Variants in CPAMD8 observed in about 807,000 individuals in gnomAD.
CPAMD8 encodes the protein C3 and PZP like alpha-2-macroglobulin domain containing 8.
Under a neutral mutation model 224.7 loss-of-function variants are expected in CPAMD8, and 146 were observed. That is an observed-to-expected ratio of 0.65 (90% CI 0.57 to 0.75). CPAMD8 has a LOEUF of 0.75. Ranked by LOEUF, CPAMD8 falls within the 30% of genes least tolerant of loss-of-function variation. The probability of loss-of-function intolerance (pLI) is 0.00; values close to 1 mark genes in which losing one functional copy is unlikely to be tolerated. For synonymous variants in CPAMD8, 966 were observed against 1,044.6 expected (o/e 0.92, Z 1.45); for missense variants, 2,301 against 2,537.5 (o/e 0.91, Z 2.00).
At chr19:16,914,204 C>T (rs867512653) in intron 29 of CPAMD8, among the ~76,000 whole-genome samples, 4 of 152,086 alleles carry the variant, frequency 2.6e-5, no homozygotes, top group African/African-American at 9.7e-5. Flanking sequence ...AACATGTGCC[C>T]AATTTCCCCC....
At chr19:17,013,928 C>G (rs2056735831) in intron 3 of CPAMD8, among the ~76,000 whole-genome samples, 2 of 150,486 alleles carry the variant, frequency 1.3e-5, no homozygotes, top group African/African-American at 4.9e-5. Context: ...CCCTCCCTCC[C>G]TCTCTCCCTC....
intron 13 of CPAMD8, among the ~76,000 whole-genome samples, chr19:16,981,868 G>T (rs2055526996): frequency 6.6e-6 from 1 of 152,180 alleles, no homozygotes; most frequent in African/African-American, 2.4e-5. Flanking sequence ...GTAAAATAAG[G>T]CTGTTATCTC....
At chr19:16,894,395 C>T in intron 41 of CPAMD8, 1 of 456,674 alleles carries the variant, frequency 2.2e-6, no homozygotes. Flanking sequence ...TGGTGTCGTC[C>T]TGCTCTCAGC....
chr19:16,896,312 C>G lies in CPAMD8; in HGVS notation c.5290G>C (p.Ala1764Pro), dbSNP rs565572619. 26 of 1,607,396 alleles carry G rather than the reference C, an allele frequency of 1.6e-5. 1 individual carries two copies. The South Asian group carries it at 2.6e-4, about 16-fold the overall frequency. Residue 1764 changes from alanine to proline, a missense_variant, in exon 41 of 42, where the codon GCC becomes CCC. This residue lies in a region of CPAMD8 where 1,709 missense variants were observed against 1,753.2 expected (regional missense o/e 0.97). Transcript: ENST00000443236. ...TCCCCGTAGGTGGAGGACGACGAGG[C>G]CGGCAGCCGCTGCTCTGGAAGGAAG... Reference protein sequence around the residue: ...SCCALEQRLPASSSSTYGDDL... With the variant: ...SCCALEQRLPPSSSSTYGDDL...
At chr19:16,902,198 G>C (rs953830359) in intron 35 of CPAMD8, among the ~76,000 whole-genome samples, 4 of 151,726 alleles carry the variant, frequency 2.6e-5, no homozygotes, top group Non-Finnish European at 5.9e-5. Context: ...GGAGTCTTCT[G>C]TGTCCATTTG....
At chr19:16,964,756 A>G (rs2054771150) in intron 18 of CPAMD8, among the ~76,000 whole-genome samples, 1 of 152,218 alleles carries the variant, frequency 6.6e-6, no homozygotes, top group African/African-American at 2.4e-5. Flanking sequence ...TTTTAGACCA[A>G]TATCCTTGAT....
chr19:17,002,748 A>T (rs1215678160), intron 8 of CPAMD8, among the ~76,000 whole-genome samples: 1 of 151,814 alleles, frequency 6.6e-6, no homozygotes, highest in Non-Finnish European at 1.5e-5. Flanking sequence ...TGATTTCTCC[A>T]TTTGCTTCTG....
rs778433376 is a variant in CPAMD8 at position 16,945,662 on chromosome 19, C to T, written c.2680G>A (p.Gly894Arg). Residue 894 changes from glycine to arginine, a missense_variant, in exon 22 of 42, where the codon GGA becomes AGA. This residue lies in a region of CPAMD8 where 1,709 missense variants were observed against 1,753.2 expected (regional missense o/e 0.97). Transcript: ENST00000443236. Reference sequence around the variant, plus strand: ...CCATCCCGGCAGCAATTTGTGTCTCCGTAAGCAAGGGCTTTGGCTGCAGAA... The same window carrying T: ...CCATCCCGGCAGCAATTTGTGTCTCTGTAAGCAAGGGCTTTGGCTGCAGAA... ...NNITAKALAY[G>R]DTNCCRDGRS... 24 of 1,614,004 alleles carry T rather than the reference C, an allele frequency of 1.5e-5. No individual in the cohort carries two copies. The highest frequency in any genetic ancestry group is 1.2e-4 in the African/African-American group (9 of 74,940).
At chr19:16,978,619 C>T (rs930083698) in intron 14 of CPAMD8, among the ~76,000 whole-genome samples, 1 of 152,148 alleles carries the variant, frequency 6.6e-6, no homozygotes, top group Non-Finnish European at 1.5e-5. Flanking sequence ...ATGCTACTGG[C>T]TTCCGGTGAA....
At chr19:16,995,740 T>C (rs1249156308) in intron 11 of CPAMD8, among the ~76,000 whole-genome samples, 1 of 152,032 alleles carries the variant, frequency 6.6e-6, no homozygotes, top group Non-Finnish European at 1.5e-5. Context: ...AATGACTGGG[T>C]GTAGTGGCTC....
chr19:16,983,875 A>G (rs753829340), intron 13 of CPAMD8, among the ~76,000 whole-genome samples: 3 of 152,216 alleles, frequency 2.0e-5, no homozygotes, highest in Non-Finnish European at 4.4e-5. Flanking sequence ...TAAAATTTAT[A>G]TGAAAACACA....
At chr19:16,902,987 G>T in intron 34 of CPAMD8, 124 bp from the exon 35 acceptor site, 2 of 627,900 alleles carry the variant, frequency 3.2e-6, no homozygotes, top group South Asian at 2.3e-5. Context: ...TGACATCCAT[G>T]ACAGTTTTAG....
chr19:16,918,222 T>C (rs946195203), intron 27 of CPAMD8, among the ~76,000 whole-genome samples: 46 of 152,286 alleles, frequency 3.0e-4, no homozygotes, highest in East Asian at 1.4e-3. Context: ...CTCGAACTCC[T>C]GACCTCAGGT....
chr19:16,894,492 C>T (rs1039767619), intron 41 of CPAMD8: 32 of 456,272 alleles, frequency 7.0e-5, no homozygotes, highest in Non-Finnish European at 1.3e-4. Flanking sequence ...CGGGATGGGA[C>T]CCCACACCCC....
intron 3 of CPAMD8, among the ~76,000 whole-genome samples, chr19:17,013,741 C>A (rs1310348127): frequency 2.0e-5 from 3 of 151,578 alleles, no homozygotes; most frequent in Non-Finnish European, 4.4e-5. Flanking sequence ...TTGCACAACC[C>A]TGTCAATGTA....
At chr19:17,016,105 G>A (rs1432729014) in intron 3 of CPAMD8, among the ~76,000 whole-genome samples, 3 of 152,096 alleles carry the variant, frequency 2.0e-5, no homozygotes, top group Admixed American at 1.3e-4. Context: ...CACCATGCCC[G>A]GCTAATTTTT....
Position 16,893,126 on chromosome 19 carries a change from G to GT in CPAMD8, c.5639dup (p.Asn1880LysfsTer44). On this transcript the variant is annotated frameshift_variant, in exon 42 of 42. Coordinates refer to ENST00000443236, the MANE Select transcript of CPAMD8 (RefSeq NM_015692.5). LOFTEE classifies it high-confidence loss of function. The stretch of plus-strand genomic sequence containing the variant: ...TGTAGGATTATCTCAAGGTGCAGGT[G>GT]TTTGACATCCATAAACCCTCCTCCC... The GT allele has an allele frequency of 6.8e-7, 1 of 1,475,812 alleles. No homozygotes were observed. Among genetic ancestry groups the GT allele is most frequent in the Non-Finnish European group, 9.5e-7 (1 of 1,055,442 alleles). 91.4% of individuals were successfully genotyped at this position (1,475,812 alleles called of 1,614,324 possible).
chr19:16,984,902 C>T (rs544447111), intron 13 of CPAMD8, among the ~76,000 whole-genome samples: 3 of 152,336 alleles, frequency 2.0e-5, no homozygotes, highest in South Asian at 4.1e-4. Flanking sequence ...CACATGCACA[C>T]TCATGTGTAG....
Position 16,980,680 on chromosome 19 carries a change from C to T in CPAMD8, c.1402G>A (p.Glu468Lys), listed in dbSNP as rs773523189. 4 of 1,540,270 alleles carry T rather than the reference C, an allele frequency of 2.6e-6. No homozygotes were observed. The highest frequency in any genetic ancestry group is 2.5e-5 in the South Asian group (2 of 79,450). ...QPPSHPLQVG[E>K]EAYFSVKSTC... ...GACTTCACAGAAAAATAGGCTTCTT[C>T]CCCAACCTATGGAAGACACGCAGCA... The change falls in exon 14 of 42, where the codon GAA (glutamate) becomes AAA (lysine). Residue 468 changes from glutamate to lysine, a missense_variant. Glu to Lys is a moderately conservative substitution (Grantham distance 56). Transcript: ENST00000443236.
Sources: allele counts gnomAD v4.1 joint callset (sites outside exome capture counted in the v4.1 genomes callset), GRCh38; gene constraint gnomAD v4.1.1; regional missense constraint gnomAD v4.1.1; transcripts MANE v1.5; gene names NCBI Gene and HGNC (gene_info 2026-07-23, HGNC 2026-07-21).